The following NPFFR2 variants were observed in gnomAD, a reference collection of about 807,000 sequenced individuals.
NPFFR2 encodes the protein neuropeptide FF receptor 2, also known as G-protein coupled receptor 74.
Under a neutral mutation model 13.1 loss-of-function variants are expected in NPFFR2, and 15 were observed. The observed-to-expected ratio is 1.15, with a 90% confidence interval of 0.77 to 1.76. The LOEUF is 1.76. NPFFR2 is among the 40% of genes most tolerant of loss of function. The probability of loss-of-function intolerance (pLI) is 0.00; values close to 1 mark genes in which losing one functional copy is unlikely to be tolerated. For missense variants in NPFFR2, 572 were observed against 503.5 expected, an observed-to-expected ratio of 1.14 and a Z score of -1.30; for synonymous variants, 190 against 175.7, an observed-to-expected ratio of 1.08 and a Z score of -0.65.
At chr4:72,118,397 G>C (rs1169434786) in intron 1 of NPFFR2, among the ~76,000 whole-genome samples, 2 of 152,136 alleles carry the variant, frequency 1.3e-5, no homozygotes, top group Non-Finnish European at 2.9e-5. Context: ...TATGAAGTTT[G>C]TATAATTATT....
chr4:72,094,938 C>T (rs1027935662), intron 1 of NPFFR2, among the ~76,000 whole-genome samples: 4 of 152,282 alleles, frequency 2.6e-5, no homozygotes, highest in African/African-American at 9.6e-5. Context: ...CAAGTTAGTC[C>T]TGCCTCCTAT....
intron 1 of NPFFR2, among the ~76,000 whole-genome samples, chr4:72,072,553 C>A (rs1720290633): frequency 6.6e-6 from 1 of 151,880 alleles, no homozygotes; most frequent in Non-Finnish European, 1.5e-5. Flanking sequence ...ATAAAGTGGA[C>A]AGAGACTATG....
At chr4:72,100,562 CTAA>C (rs371981026) in intron 1 of NPFFR2, among the ~76,000 whole-genome samples, 3,663 of 151,790 alleles carry the variant, frequency 0.024, 150 homozygotes, top group African/African-American at 0.084. Context: ...ACTACTACTA[CTAA>C]TACTAGTACT....
At chr4:72,048,374 A>C (rs1719439833) in intron 1 of NPFFR2, among the ~76,000 whole-genome samples, 1 of 152,136 alleles carries the variant, frequency 6.6e-6, no homozygotes, top group Non-Finnish European at 1.5e-5. Context: ...TATGTTTTCC[A>C]ATGATCATGC....
rs117020639 is a variant in NPFFR2, at chr4:72,103,647, C to G, written c.-7-24938C>G. ...TTAAAATCTAATAATTGTATATCAT[C>G]AAAAAAAATCTGTGAAGGCAATAAA... is the stretch of plus-strand genomic sequence containing the variant. On this transcript the variant is annotated intron_variant, in intron 1 of 3. Coordinates refer to ENST00000308744, the MANE Select transcript of NPFFR2 (RefSeq NM_004885.3). 3.3e-5 allele frequency among the ~76,000 whole-genome samples: 5 copies of G among 151,420 alleles called. No individual in the cohort carries two copies. In the East Asian group the frequency reaches 9.7e-4, roughly 29 times the overall value.
intron 1 of NPFFR2, among the ~76,000 whole-genome samples, chr4:72,035,558 A>G (rs775962397): frequency 1.2e-4 from 19 of 152,192 alleles, no homozygotes; most frequent in Non-Finnish European, 2.1e-4. Flanking sequence ...AATGCCACAC[A>G]TGACTGACAA....
intron 3 of NPFFR2, among the ~76,000 whole-genome samples, chr4:72,139,377 T>C (rs1722523030): frequency 6.6e-6 from 1 of 152,186 alleles, no homozygotes; most frequent in African/African-American, 2.4e-5. Flanking sequence ...TCTTCTAGGT[T>C]TTTTATGGTT....
At chr4:72,080,356 G>T (rs1227626685) in intron 1 of NPFFR2, among the ~76,000 whole-genome samples, 1 of 151,872 alleles carries the variant, frequency 6.6e-6, no homozygotes, top group Non-Finnish European at 1.5e-5. Flanking sequence ...GTAGAGACAG[G>T]GTTTCACCAT....
At chr4:72,142,331 C>T (rs768801634) in intron 3 of NPFFR2, among the ~76,000 whole-genome samples, 11 of 152,088 alleles carry the variant, frequency 7.2e-5, no homozygotes, top group Admixed American at 5.2e-4. Context: ...CAGGTACAGT[C>T]TGTCATGGCT....
At chr4:72,100,750 T>C (rs1193828877) in intron 1 of NPFFR2, among the ~76,000 whole-genome samples, 1 of 152,066 alleles carries the variant, frequency 6.6e-6, no homozygotes, top group Non-Finnish European at 1.5e-5. Flanking sequence ...TAACAAAATA[T>C]GTTATCTGAA....
chr4:72,032,170 T>C lies in NPFFR2; in HGVS notation c.-38T>C, dbSNP rs969780016. On this transcript the variant is annotated 5_prime_UTR_variant, in exon 1 of 4. Transcript: ENST00000308744. ...TGCAGACGGGCTTGGTGGATTCTGG[T>C]TCCTGCCGCCGACAGGGCTCGCCGG... 2.5e-6 allele frequency: 4 copies of C among 1,612,402 alleles called. No individual in the cohort carries two copies. Among genetic ancestry groups the C allele is most frequent in the African/African-American group, 1.3e-5 (1 of 74,992 alleles).
At chr4:72,142,226 G>T (rs1336304871) in intron 3 of NPFFR2, among the ~76,000 whole-genome samples, 1 of 152,106 alleles carries the variant, frequency 6.6e-6, no homozygotes, top group Non-Finnish European at 1.5e-5. Context: ...GCCAGTCTGT[G>T]TCTTTTAATT....
At chr4:72,067,959 G>T (rs1305880494) in intron 1 of NPFFR2, among the ~76,000 whole-genome samples, 1 of 152,062 alleles carries the variant, frequency 6.6e-6, no homozygotes, top group Non-Finnish European at 1.5e-5. Flanking sequence ...CTGTAGCTCT[G>T]CTCTTCTTCT....
At chr4:72,087,837 C>A (rs1001982849) in intron 1 of NPFFR2, among the ~76,000 whole-genome samples, 2 of 151,874 alleles carry the variant, frequency 1.3e-5, no homozygotes, top group African/African-American at 4.8e-5. Context: ...ACATTTTTTT[C>A]ATGGTAGCAA....
chr4:72,146,535 G>GGACGTGGTAGACA (rs1722787111), intron 3 of NPFFR2: 1 of 165,362 alleles, frequency 6.0e-6, no homozygotes, highest in Admixed American at 5.9e-5. Flanking sequence ...CAGCCTAAGA[G>GGACGTGGTAGACA]CTACCCATCT....
intron 3 of NPFFR2, among the ~76,000 whole-genome samples, chr4:72,142,631 G>T (rs1722665573): frequency 6.6e-6 from 1 of 152,144 alleles, no homozygotes; most frequent in Admixed American, 6.5e-5. Flanking sequence ...ATAAGAAAAT[G>T]AAACTATTGA....
intron 2 of NPFFR2, among the ~76,000 whole-genome samples, chr4:72,130,827 G>A (rs1380299036): frequency 6.6e-6 from 1 of 152,200 alleles, no homozygotes; most frequent in Non-Finnish European, 1.5e-5. Flanking sequence ...GGGTCAGGGT[G>A]ACAGCATTTT....
intron 1 of NPFFR2, among the ~76,000 whole-genome samples, chr4:72,052,470 A>G (rs1719614826): frequency 6.6e-6 from 1 of 151,776 alleles, no homozygotes; most frequent in East Asian, 1.9e-4. Flanking sequence ...AACTCTCAAT[A>G]AATTAGGTAT....
At chr4:72,138,563 C>T (rs1321185631) in intron 3 of NPFFR2, among the ~76,000 whole-genome samples, 1 of 152,114 alleles carries the variant, frequency 6.6e-6, no homozygotes, top group Non-Finnish European at 1.5e-5. Context: ...TTTCCAGCTG[C>T]ATCCATGTCC....
Sources: allele counts gnomAD v4.1 joint callset (sites outside exome capture counted in the v4.1 genomes callset), GRCh38; gene constraint gnomAD v4.1.1; transcripts MANE v1.5; gene names NCBI Gene and HGNC (gene_info 2026-07-23, HGNC 2026-07-21).